PLEKHG5: variants seen among roughly 807,000 people sequenced by gnomAD.
The protein encoded by PLEKHG5 is pleckstrin homology and RhoGEF domain containing G5, also known as pleckstrin homology domain-containing family G member 5.
A neutral mutation model predicts 103.8 loss-of-function variants in PLEKHG5; 52 were observed. The observed-to-expected ratio is 0.50, with a 90% CI of 0.40 to 0.63. The LOEUF (loss-of-function observed/expected upper bound fraction) is 0.63, where lower values mean the gene tolerates loss of function less well. PLEKHG5 is among the 30% of genes least tolerant of loss of function. The pLI is 0.00. For synonymous variants in PLEKHG5, 592 were observed against 575.5 expected, an observed-to-expected ratio of 1.03 and a Z score of -0.41; for missense variants, 1,205 against 1,347.6, an observed-to-expected ratio of 0.89 and a Z score of 1.66.
chr1:6,516,326 A>G (rs1355104597), intron 1 of PLEKHG5, among the ~76,000 whole-genome samples: 1 of 152,182 alleles, frequency 6.6e-6, no homozygotes, highest in Admixed American at 6.5e-5. Flanking sequence ...CCTGGTTTAA[A>G]ATTTCAGGCA....
At position 6,467,486 on chromosome 1, in the gene PLEKHG5, G is replaced by A; in HGVS notation, c.*77C>T. On this transcript the variant is annotated 3_prime_UTR_variant, in exon 21 of 21. Coordinates refer to ENST00000377728, the MANE Select transcript of PLEKHG5 (RefSeq NM_020631.6). ...ATGCATACAGGAGGCAGTAGCTGAAGCAGGTGCCGGCACGCCCCAGGAGGC... is the reference window on the plus strand; with the variant it reads ...ATGCATACAGGAGGCAGTAGCTGAAACAGGTGCCGGCACGCCCCAGGAGGC... The A allele has an allele frequency of 8.8e-6, 12 of 1,366,166 alleles. No homozygotes were observed. The highest frequency in any genetic ancestry group is 2.3e-5 in the South Asian group (2 of 86,188). The allele number at this position is 1,366,166 out of a possible 1,614,324, so 84.6% of individuals were successfully genotyped here.
chr1:6,474,601 A>C lies in PLEKHG5; in HGVS notation c.303-14T>G. 1 of 1,613,092 alleles carries C rather than the reference A, an allele frequency of 6.2e-7. No individual in the cohort carries two copies. Among genetic ancestry groups the C allele is most frequent in the Non-Finnish European group, 8.5e-7 (1 of 1,179,834 alleles). ...AGCAGCACCTCCCTGCCCCCAGGAC[A>C]GGAGGCATGTGTGTTAGAACCAGGC... On this transcript the variant is annotated splice_polypyrimidine_tract_variant and intron_variant, in intron 5 of 20. Transcript: ENST00000377728.
At chr1:6,480,985 C>A (rs575332956) in intron 1 of PLEKHG5, among the ~76,000 whole-genome samples, 1 of 152,270 alleles carries the variant, frequency 6.6e-6, no homozygotes, top group Admixed American at 6.5e-5. Flanking sequence ...GTTATGCCCC[C>A]ATCTGGTCAG....
Position 6,471,098 on chromosome 1 carries a change from GAACT to G in PLEKHG5, c.1282-2_1283del. The G allele has an allele frequency of 6.3e-7, 1 of 1,577,020 alleles. No individual in the cohort carries two copies. Among genetic ancestry groups the G allele is most frequent in the East Asian group, 2.4e-5 (1 of 42,216 alleles). On this transcript the variant is annotated splice_acceptor_variant and coding_sequence_variant, in exon 13 of 21. Transcript: ENST00000377728. LOFTEE classifies it high-confidence loss of function. ...GGATGTAGGGCTTGAAGAGCGAGCCGAACTGGCCCGGGGCAGAACAACCACGGCG... is the reference window on the plus strand; with the variant it reads ...GGATGTAGGGCTTGAAGAGCGAGCCGGGCCCGGGGCAGAACAACCACGGCG...
At chr1:6,508,028 C>T (rs1049991998) in intron 1 of PLEKHG5, among the ~76,000 whole-genome samples, 1 of 152,182 alleles carries the variant, frequency 6.6e-6, no homozygotes. Context: ...TACCCAGCCT[C>T]GGCCCCTCTT....
At chr1:6,471,457 T>C in intron 12 of PLEKHG5, 31 bp downstream of exon 12, 2 of 1,599,250 alleles carry the variant, frequency 1.3e-6, no homozygotes, top group Non-Finnish European at 1.7e-6. Flanking sequence ...CCTGCCTCAG[T>C]GCCCCCGCCT....
rs1211283194 is a variant in PLEKHG5, at chr1:6,470,328, A to G, written c.1708T>C (p.Leu570=). 1 of 1,613,998 alleles carries G rather than the reference A, an allele frequency of 6.2e-7. No homozygotes were observed. The change falls in exon 16 of 21, where the codon TTG becomes CTG. Residue 570 remains leucine, a synonymous_variant. Coordinates refer to ENST00000377728, the MANE Select transcript of PLEKHG5 (RefSeq NM_020631.6). ...GAGGCGCCAGGGATGGGCGCTGTCA[A>G]GTCCAGGTGCAGAAATTCCTTCAGG... The part of the protein sequence containing the change: ...KLLKEFLHLD[L]TAPIPGASPE...
At position 6,501,982 on chromosome 1, in the gene PLEKHG5, C is replaced by CCATG. The variant is rs1645301354; in HGVS notation, c.-164-5417_-164-5414dup. Among the ~76,000 whole-genome samples the CCATG allele has an allele frequency of 6.6e-6, 1 of 152,198 alleles. No individual in the cohort carries two copies. The highest frequency in any genetic ancestry group is 2.4e-5 in the African/African-American group (1 of 41,446). On this transcript the variant is annotated intron_variant, in intron 1 of 21. Transcript: ENST00000377740. This position sits in a 1 kb window ranked among gnomAD's most constrained non-coding sequence, Gnocchi z 4.3. ...CACGACCTCCCAACCACAGGCCTGG[C>CCATG]CATGCAAAGGCTGCCCCTCTCAGGA...
At chr1:6,499,822 C>T (rs1483922640), upstream of PLEKHG5, among the ~76,000 whole-genome samples, 1 of 152,082 alleles carries the variant, frequency 6.6e-6, no homozygotes, top group Non-Finnish European at 1.5e-5. Flanking sequence ...TTTTTTGAGA[C>T]AGGGTCTTGC....
In PLEKHG5 at chr1:6,471,640, G is replaced by T; in HGVS notation, c.1132-3C>A. On this transcript the variant is annotated splice_region_variant and splice_polypyrimidine_tract_variant and intron_variant, in intron 11 of 20. Coordinates refer to ENST00000377728, the MANE Select transcript of PLEKHG5 (RefSeq NM_020631.6). The stretch of plus-strand genomic sequence containing the variant: ...CTGAACAGGCGCTCCGCCTCCACCT[G>T]GGCGCGGCGGGAGGTGCGGTTGGCC... 6.3e-7 allele frequency: 1 copy of T among 1,575,626 alleles called. No individual in the cohort carries two copies. The highest frequency in any genetic ancestry group is 2.3e-5 in the East Asian group (1 of 42,602).
In PLEKHG5 at chr1:6,471,743, C is replaced by G. The variant is rs373863241; in HGVS notation, c.1131+15G>C. ...CTGGTACCTCACCCGCCGCCGCCCCCGAATCCCAGCGCACCTCACACAGCA... is the reference window on the plus strand; with the variant it reads ...CTGGTACCTCACCCGCCGCCGCCCCGGAATCCCAGCGCACCTCACACAGCA... On this transcript the variant is annotated intron_variant, in intron 11 of 20. Transcript: ENST00000377728. The G allele has an allele frequency of 6.2e-6, 10 of 1,607,514 alleles. No individual in the cohort carries two copies. The highest frequency in any genetic ancestry group is 2.7e-5 in the African/African-American group (2 of 74,812).
At chr1:6,491,770 C>G, upstream of PLEKHG5, 8 of 865,032 alleles carry the variant, frequency 9.2e-6, no homozygotes, top group Non-Finnish European at 1.1e-5. The surrounding 1 kb of genome is among the most constrained non-coding windows in gnomAD (Gnocchi z 4.1). Flanking sequence ...TGTTAAGCTG[C>G]AAGGGAACTC....
upstream of PLEKHG5, among the ~76,000 whole-genome samples, chr1:6,499,068 T>C (rs565194813): frequency 6.6e-6 from 1 of 152,176 alleles, no homozygotes; most frequent in Admixed American, 6.5e-5. Context: ...GCCTGGGACT[T>C]CTCCAGCTGA....
At chr1:6,500,357 A>T (rs1478166368), upstream of PLEKHG5, among the ~76,000 whole-genome samples, 2 of 152,088 alleles carry the variant, frequency 1.3e-5, no homozygotes, top group Non-Finnish European at 2.9e-5. Context: ...GCTTTGTGAG[A>T]GTGGGCAGCT....
At chr1:6,488,328 C>T (rs1292076616) in intron 1 of PLEKHG5, among the ~76,000 whole-genome samples, 6 of 152,256 alleles carry the variant, frequency 3.9e-5, no homozygotes, top group Admixed American at 1.3e-4. Flanking sequence ...GCTGCTGCTA[C>T]GTAGGGAAAT....
chr1:6,481,691 C>T (rs1475486896), intron 1 of PLEKHG5, among the ~76,000 whole-genome samples: 4 of 150,356 alleles, frequency 2.7e-5, no homozygotes, highest in African/African-American at 4.9e-5. Context: ...GGTGAAACCC[C>T]GTCTCTACTA....
In PLEKHG5 at chr1:6,470,991, G is replaced by A. The variant is rs777612808; in HGVS notation, c.1391C>T (p.Thr464Met). The A allele has an allele frequency of 3.8e-6, 6 of 1,586,976 alleles. No individual in the cohort carries two copies. The Admixed American group carries it at 8.6e-5, about 23-fold the overall frequency. The change falls in exon 13 of 21, where the codon ACG (threonine) becomes ATG (methionine). Residue 464 changes from threonine to methionine, a missense_variant and splice_region_variant. Coordinates refer to ENST00000377728, the MANE Select transcript of PLEKHG5 (RefSeq NM_020631.6). ...CGCCCACGGCACGCGCGCCCTCACC[G>A]TGATGTAGGCCCGGAAGAGGTCGTT... ...RDNDLFRAYI[T>M]WAEKHPQCQR... is the part of the protein sequence containing the mutation.
In PLEKHG5 at chr1:6,473,238, TG is replaced by T; in HGVS notation, c.795+12del. On this transcript the variant is annotated intron_variant, in intron 8 of 20. Coordinates refer to ENST00000377728, the MANE Select transcript of PLEKHG5 (RefSeq NM_020631.6). ...AGCCAGCTGCCTGACCCTGGGCAGATGGGGCCACATACCCGGCCAAAGGCGC... is the reference window on the plus strand; with the variant it reads ...AGCCAGCTGCCTGACCCTGGGCAGATGGGCCACATACCCGGCCAAAGGCGC... The T allele has an allele frequency of 6.2e-7, 1 of 1,612,584 alleles. No individual in the cohort carries two copies. The highest frequency in any genetic ancestry group is 8.5e-7 in the Non-Finnish European group (1 of 1,179,688).
Position 6,516,866 on chromosome 1 carries a change from G to GTGTGTGTATATA in PLEKHG5, c.-165+2578_-165+2579insTATATACACACA, listed in dbSNP as rs1288870331. The stretch of plus-strand genomic sequence containing the variant: ...TATATATATGTGTGTGTATATATGT[G>GTGTGTGTATATA]TATATATATATATATATATACACAT... On this transcript the variant is annotated intron_variant, in intron 1 of 21. Coordinates refer to the PLEKHG5 transcript ENST00000377740. Among the ~76,000 whole-genome samples the GTGTGTGTATATA allele has an allele frequency of 2.5e-3, 64 of 25,862 alleles. 1 individual carries two copies. Among genetic ancestry groups the GTGTGTGTATATA allele is most frequent in the Middle Eastern group, 0.02 (1 of 50 alleles). The allele number at this position is 25,862 out of a possible 152,430, so 17.0% of individuals were successfully genotyped here.
Sources: gnomAD v4.1 joint callset for allele counts (sites outside exome capture counted in the v4.1 genomes callset) on GRCh38, gnomAD v4.1.1 for gene constraint, Gnocchi (gnomAD v3.1) non-coding constraint, MANE v1.5 for transcripts, NCBI Gene and HGNC (gene_info 2026-07-23, HGNC 2026-07-21) for gene names.